The following ATP1B2 variants were observed in gnomAD, a reference collection of about 807,000 sequenced individuals.
ATP1B2 encodes the protein ATPase Na+/K+ transporting subunit beta 2, also known as sodium/potassium-transporting ATPase subunit beta-2.
ATP1B2 carries 12 observed loss-of-function variants against 37.3 expected under a neutral mutation model. That is an observed-to-expected ratio of 0.32 (90% CI 0.21 to 0.52). The LOEUF is 0.52. Ranked by LOEUF, ATP1B2 falls within the 20% of genes least tolerant of loss-of-function variation. The probability of loss-of-function intolerance (pLI) is 0.96; values close to 1 mark genes in which losing one functional copy is unlikely to be tolerated. For missense variants in ATP1B2, 324 were observed against 391.6 expected (o/e 0.83, Z 1.46); for synonymous variants, 139 against 140.5 (o/e 0.99, Z 0.07).
At chr17:7,653,324 G>A in intron 1 of ATP1B2, 50 bp from the exon 2 acceptor site, 2 of 1,611,758 alleles carry the variant, frequency 1.2e-6, no homozygotes, top group Non-Finnish European at 1.7e-6. Context: ...GGATAGTTGA[G>A]GTTATGGTGG....
At chr17:7,651,664 A>T in intron 1 of ATP1B2, 34 bp downstream of exon 1, 1 of 1,544,940 alleles carries the variant, frequency 6.5e-7, no homozygotes, top group South Asian at 1.2e-5. Flanking sequence ...GGCGGGGGAA[A>T]GCCGCGGGGC....
In ATP1B2 at chr17:7,650,929, C is replaced by T. The variant is rs2072606729; in HGVS notation, c.-590C>T. ...GCGCTCGGCGACCGCGGGCCTCGCA[C>T]TGCTGAGGAGCGGAGCCTCCGCCTG... On this transcript the variant is annotated 5_prime_UTR_variant, in exon 1 of 7. Transcript: ENST00000250111. Among the ~76,000 whole-genome samples the T allele has an allele frequency of 6.6e-6, 1 of 152,182 alleles. No individual in the cohort carries two copies. Among genetic ancestry groups the T allele is most frequent in the Non-Finnish European group, 1.5e-5 (1 of 68,014 alleles).
chr17:7,651,383 T>G lies in ATP1B2; in HGVS notation c.-136T>G. On this transcript the variant is annotated 5_prime_UTR_variant, in exon 1 of 7. Coordinates refer to ENST00000250111, the MANE Select transcript of ATP1B2 (RefSeq NM_001678.5). ...CACCCCGGAATCTGCAGCAGCTGCA[T>G]ATCTGAGGGGGGTCTCCTTTGCCCG... is the stretch of plus-strand genomic sequence containing the variant. The G allele has an allele frequency of 6.9e-6, 5 of 728,512 alleles. No individual in the cohort carries two copies. Among genetic ancestry groups the G allele is most frequent in the Non-Finnish European group, 1.2e-5 (5 of 433,774 alleles). The allele number at this position is 728,512 out of a possible 1,614,324, so 45.1% of individuals were successfully genotyped here. A position where few individuals can be genotyped will look rare whatever the true frequency, so the allele number is the denominator to read the frequency against.
chr17:7,647,741 C>A (rs192685667), upstream of ATP1B2, among the ~76,000 whole-genome samples: 985 of 151,866 alleles, frequency 6.5e-3, 4 homozygotes, highest in Non-Finnish European at 9.2e-3. Context: ...ATCGCTTGAA[C>A]CCGGGAGGTG....
At chr17:7,649,883 G>T (rs1397787260), upstream of ATP1B2, among the ~76,000 whole-genome samples, 1 of 151,926 alleles carries the variant, frequency 6.6e-6, no homozygotes, top group Non-Finnish European at 1.5e-5. Context: ...AAGTAGAGAC[G>T]GGGTTTCACC....
In ATP1B2 at chr17:7,656,435, C is replaced by T. The variant is rs2072653412; in HGVS notation, c.*540C>T. 6.3e-6 allele frequency: 1 copy of T among 158,316 alleles called. No homozygotes were observed. Among genetic ancestry groups the T allele is most frequent in the African/African-American group, 2.4e-5 (1 of 41,510 alleles). 9.8% of individuals were successfully genotyped at this position (158,316 alleles called of 1,614,324 possible). A position where few individuals can be genotyped will look rare whatever the true frequency, so the allele number is the denominator to read the frequency against. ...TCTTGGTGACTTTGAATTTATCTGG[C>T]TCCTGGGCAGGTCTTCTCCTCCTCT... is the stretch of plus-strand genomic sequence containing the variant. On this transcript the variant is annotated 3_prime_UTR_variant, in exon 7 of 7. Transcript: ENST00000250111.
chr17:7,651,377 G>A lies in ATP1B2; in HGVS notation c.-142G>A, dbSNP rs1567531546. On this transcript the variant is annotated 5_prime_UTR_variant, in exon 1 of 7. Transcript: ENST00000250111. ...GTCGTGCACCCCGGAATCTGCAGCA[G>A]CTGCATATCTGAGGGGGGTCTCCTT... The A allele has an allele frequency of 1.4e-6, 1 of 708,046 alleles. No individual in the cohort carries two copies. The highest frequency in any genetic ancestry group is 1.7e-5 in the South Asian group (1 of 59,158). The allele number at this position is 708,046 out of a possible 1,614,324, so 43.9% of individuals were successfully genotyped here.
chr17:7,649,334 A>G (rs1350972945), upstream of ATP1B2, among the ~76,000 whole-genome samples: 4 of 151,984 alleles, frequency 2.6e-5, no homozygotes, highest in South Asian at 2.1e-4. Flanking sequence ...TCGGCCTCCT[A>G]TAGAGCTGGG....
At chr17:7,651,682 CG>C in intron 1 of ATP1B2, 52 bp downstream of exon 1, 1 of 1,497,424 alleles carries the variant, frequency 6.7e-7, no homozygotes, top group Non-Finnish European at 9.0e-7. Flanking sequence ...GGCGACGCCT[CG>C]GGGGCGCAGG....
upstream of ATP1B2, among the ~76,000 whole-genome samples, chr17:7,649,294 G>A (rs574388074): frequency 6.6e-6 from 1 of 152,030 alleles, no homozygotes; most frequent in Admixed American, 6.6e-5. Context: ...CTCTGGTCTC[G>A]AACTCCCTTG....
rs763475084 is a variant in ATP1B2, at chr17:7,653,887, T to A, written c.288T>A (p.Asn96Lys). The change falls in exon 3 of 7, where the codon AAT becomes AAA. Residue 96 changes from asparagine (N) to lysine (K), a missense_variant. Transcript: ENST00000250111. The stretch of plus-strand genomic sequence containing the variant: ...CTGAGAACCTTGATGTCATTGTCAA[T>A]GTCAGTGACACTGAAAGCTGGGACC... ...PKTENLDVIV[N>K]VSDTESWDQH... 5 of 1,614,192 alleles carry A rather than the reference T, an allele frequency of 3.1e-6. No individual in the cohort carries two copies. Among genetic ancestry groups the A allele is most frequent in the Non-Finnish European group, 1.7e-6 (2 of 1,180,038 alleles).
chr17:7,654,137 C>T lies in ATP1B2; in HGVS notation c.432C>T (p.Asn144=), dbSNP rs1354592166. 1 of 1,614,232 alleles carries T rather than the reference C, an allele frequency of 6.2e-7. No individual in the cohort carries two copies. Among genetic ancestry groups the T allele is most frequent in the Non-Finnish European group, 8.5e-7 (1 of 1,180,034 alleles). ...YYEQPDNGVL[N]YPKRACQFNR... ...AACAGCCAGATAATGGAGTCCTCAACTACCCCAAACGTGCCTGCCAATTCA... is the reference window on the plus strand; with the variant it reads ...AACAGCCAGATAATGGAGTCCTCAATTACCCCAAACGTGCCTGCCAATTCA... The change falls in exon 4 of 7, where the codon AAC becomes AAT. Residue 144 remains asparagine (N), a synonymous_variant. Coordinates refer to ENST00000250111, the MANE Select transcript of ATP1B2 (RefSeq NM_001678.5). This position sits in a 1 kb window ranked among gnomAD's most constrained non-coding sequence, Gnocchi z 4.9.
upstream of ATP1B2, among the ~76,000 whole-genome samples, chr17:7,648,769 T>C (rs1283864728): frequency 1.3e-5 from 2 of 152,048 alleles, no homozygotes; most frequent in African/African-American, 4.8e-5. Context: ...ATTAGGCCAC[T>C]CCTCAGCTGA....
rs1466145202 is a variant in ATP1B2, at chr17:7,654,749, T to A, written c.609+65T>A. 6.5e-7 allele frequency: 1 copy of A among 1,545,118 alleles called. No homozygotes were observed. The highest frequency in any genetic ancestry group is 8.9e-7 in the Non-Finnish European group (1 of 1,117,484). On this transcript the variant is annotated intron_variant, in intron 5 of 6. Coordinates refer to ENST00000250111, the MANE Select transcript of ATP1B2 (RefSeq NM_001678.5). The surrounding 1 kb of genome is among the most constrained non-coding windows in gnomAD (Gnocchi z 4.9). Reference sequence around the variant, plus strand: ...GCTCACCTGAGTGTCCTTCATGGTTTCTGTGTAATTCACCTGTCTCTCCCT... The same window carrying A: ...GCTCACCTGAGTGTCCTTCATGGTTACTGTGTAATTCACCTGTCTCTCCCT...
upstream of ATP1B2, among the ~76,000 whole-genome samples, chr17:7,648,440 G>A (rs1399766620): frequency 1.3e-5 from 2 of 151,498 alleles, no homozygotes; most frequent in East Asian, 1.9e-4. Flanking sequence ...TTAGCCGGGC[G>A]TGGTGGTAGT....
rs757668749 is a variant in ATP1B2 at position 7,653,375 on chromosome 17, C to A, written c.114C>A (p.Ala38=). Residue 38 remains alanine, a splice_region_variant and synonymous_variant, in exon 2 of 7, where the codon GCC becomes GCA. Coordinates refer to ENST00000250111, the MANE Select transcript of ATP1B2 (RefSeq NM_001678.5). ...CTGACCCTGTTTCCTCCTCCCTAGC[C>A]TTTATCCTCCTCTTCTACCTCGTTT... ...QFMGRTGTSW[A]FILLFYLVFY... is the part of the protein sequence containing the mutation. 11 of 1,613,958 alleles carry A rather than the reference C, an allele frequency of 6.8e-6. No homozygotes were observed. Among genetic ancestry groups the A allele is most frequent in the Non-Finnish European group, 9.3e-6 (11 of 1,179,990 alleles).
chr17:7,654,111 G>C lies in ATP1B2; in HGVS notation c.406G>C (p.Glu136Gln). The C allele has an allele frequency of 6.2e-7, 1 of 1,614,130 alleles. No individual in the cohort carries two copies. Among genetic ancestry groups the C allele is most frequent in the Non-Finnish European group, 8.5e-7 (1 of 1,180,034 alleles). Residue 136 changes from glutamate to glutamine, a missense_variant, in exon 4 of 7, where the codon GAA becomes CAA. Glu to Gln is a conservative substitution (Grantham distance 29). Coordinates refer to ENST00000250111, the MANE Select transcript of ATP1B2 (RefSeq NM_001678.5). This position sits in a 1 kb window ranked among gnomAD's most constrained non-coding sequence, Gnocchi z 4.9. ...NDVCRPGRYYEQPDNGVLNYP... is the reference protein window; with the variant it reads ...NDVCRPGRYYQQPDNGVLNYP... ...TGTCTGCCGCCCTGGACGCTATTAC[G>C]AACAGCCAGATAATGGAGTCCTCAA...
In ATP1B2 at chr17:7,655,528, G is replaced by A. The variant is rs1477805724; in HGVS notation, c.611G>A (p.Arg204Gln). The change falls in exon 6 of 7, where the codon CGA (arginine) becomes CAA (glutamine). Residue 204 changes from arginine (R) to glutamine (Q), a missense_variant and splice_region_variant. Coordinates refer to ENST00000250111, the MANE Select transcript of ATP1B2 (RefSeq NM_001678.5). This position sits in a 1 kb window ranked among gnomAD's most constrained non-coding sequence, Gnocchi z 4.4. Reference protein sequence around the residue: ...QSMNVTCAGKRDEDAENLGNF... With the variant: ...QSMNVTCAGKQDEDAENLGNF... ...CCCTATCTTCCTGCACCCCCACAGC[G>A]AGATGAAGATGCTGAGAATCTCGGC... 13 of 1,614,114 alleles carry A rather than the reference G, an allele frequency of 8.1e-6. No individual in the cohort carries two copies. In the East Asian group the frequency reaches 8.9e-5, roughly 11 times the overall value.
At chr17:7,653,325 G>T (rs1458700554) in intron 1 of ATP1B2, 49 bp from the exon 2 acceptor site, 6 of 1,611,884 alleles carry the variant, frequency 3.7e-6, no homozygotes, top group Non-Finnish European at 5.1e-6. Context: ...GATAGTTGAG[G>T]TTATGGTGGG....
Sources: allele counts gnomAD v4.1 joint callset (sites outside exome capture counted in the v4.1 genomes callset), GRCh38; gene constraint gnomAD v4.1.1; non-coding constraint Gnocchi (gnomAD v3.1); transcripts MANE v1.5; gene names NCBI Gene and HGNC (gene_info 2026-07-23, HGNC 2026-07-21).